Variants in LIMCH1 observed in about 807,000 individuals in gnomAD.
The protein encoded by LIMCH1 is LIM and calponin homology domains-containing protein 1.
In LIMCH1, 113 loss-of-function variants were observed where a neutral mutation model predicts 176.5. The ratio of observed to expected loss-of-function variants is 0.64; its 90% CI spans 0.55 to 0.75. The LOEUF is 0.75. Ranked by LOEUF, LIMCH1 falls within the 30% of genes least tolerant of loss-of-function variation. LIMCH1 has a pLI of 0.00. For missense variants in LIMCH1, 1,674 were observed against 1,814.9 expected (o/e 0.92, Z 1.41); for synonymous variants, 619 against 645.9 (o/e 0.96, Z 0.63).
At chr4:41,576,866 G>T (rs775083832) in intron 1 of LIMCH1, among the ~76,000 whole-genome samples, 11 of 152,136 alleles carry the variant, frequency 7.2e-5, no homozygotes, top group Admixed American at 6.5e-4. Context: ...ATATGGAGGA[G>T]GATGTGGAAT....
intron 1 of LIMCH1, among the ~76,000 whole-genome samples, chr4:41,557,552 G>A (rs6447092): frequency 4.7e-5 from 6 of 128,988 alleles, no homozygotes; most frequent in African/African-American, 1.5e-4. Context: ...GCCTCTGTGT[G>A]TGTGTGTGTG....
At chr4:41,694,707 C>G (rs1301063074) in intron 31 of LIMCH1, among the ~76,000 whole-genome samples, 1 of 152,056 alleles carries the variant, frequency 6.6e-6, no homozygotes, top group African/African-American at 2.4e-5. Context: ...AAATGAACAT[C>G]CTTGTGCATA....
intron 1 of LIMCH1, among the ~76,000 whole-genome samples, chr4:41,487,267 G>C (rs1407359402): frequency 6.6e-6 from 1 of 151,798 alleles, no homozygotes; most frequent in East Asian, 1.9e-4. Flanking sequence ...AGTCTGTACA[G>C]CTGTTGATCC....
At position 41,616,914 on chromosome 4, in the gene LIMCH1, T is replaced by C. The variant is rs1292399347; in HGVS notation, c.206-2274T>C. On this transcript the variant is annotated intron_variant, in intron 5 of 31. Transcript: ENST00000503057. ...CTCTAAATCCATAAACCTATACTTC[T>C]TTCAACTGAGCTACTCTGTCCTGGA... is the stretch of plus-strand genomic sequence containing the variant. 2.6e-5 allele frequency among the ~76,000 whole-genome samples: 4 copies of C among 152,186 alleles called. No individual in the cohort carries two copies. In the East Asian group the frequency reaches 7.7e-4, roughly 29 times the overall value.
upstream of LIMCH1, among the ~76,000 whole-genome samples, chr4:41,533,980 G>A (rs2077595318): frequency 6.6e-6 from 1 of 152,190 alleles, no homozygotes; most frequent in African/African-American, 2.4e-5. Context: ...ACTAGACCAG[G>A]AATAGTAAGC....
In LIMCH1 at chr4:41,626,838, C is replaced by T; in HGVS notation, c.856C>T (p.Leu286Phe). 1 of 1,536,182 alleles carries T rather than the reference C, an allele frequency of 6.5e-7. No homozygotes were observed. Among genetic ancestry groups the T allele is most frequent in the Non-Finnish European group, 8.7e-7 (1 of 1,146,926 alleles). ...EGEVVCRLPDLEKDDFAARRA... is the reference protein window; with the variant it reads ...EGEVVCRLPDFEKDDFAARRA... ...TGAAGTTGTGTGTCGACTGCCTGAT[C>T]TTGAGAAGGATGACTTTGCTGCAAG... The change falls in exon 8 of 32, where the codon CTT (leucine) becomes TTT (phenylalanine). Residue 286 changes from leucine (L) to phenylalanine (F), a missense_variant. Physicochemically the swap from Leu to Phe is conservative, Grantham distance 22. This residue lies in a region of LIMCH1 where 655 missense variants were observed against 692.2 expected (regional missense o/e 0.95). Coordinates refer to ENST00000503057, the MANE Select transcript of LIMCH1 (RefSeq NM_001330672.2).
intron 17 of LIMCH1, among the ~76,000 whole-genome samples, chr4:41,648,722 G>A (rs546989691): frequency 3.1e-4 from 45 of 147,032 alleles, no homozygotes; most frequent in African/African-American, 1.1e-3. Context: ...GCAGGGCAGG[G>A]AATACAGGCC....
intron 1 of LIMCH1, among the ~76,000 whole-genome samples, chr4:41,421,051 G>C (rs1337418650): frequency 6.6e-6 from 1 of 152,142 alleles, no homozygotes; most frequent in South Asian, 2.1e-4. Flanking sequence ...GGGTTGTTAG[G>C]GCCGGCCCCA....
At chr4:41,535,645 G>C (rs1171603778), upstream of LIMCH1, among the ~76,000 whole-genome samples, 1 of 152,156 alleles carries the variant, frequency 6.6e-6, no homozygotes, top group Non-Finnish European at 1.5e-5. Context: ...TTCAAGATAC[G>C]AATTGGGGGA....
At chr4:41,369,939 AGTGT>A (rs113302113) in intron 1 of LIMCH1, among the ~76,000 whole-genome samples, 5 of 138,210 alleles carry the variant, frequency 3.6e-5, no homozygotes, top group Admixed American at 3.6e-4. Context: ...CAGGAAGCAA[AGTGT>A]GTGTGTGTGT....
intron 1 of LIMCH1, among the ~76,000 whole-genome samples, chr4:41,489,230 G>T (rs1017823778): frequency 3.9e-5 from 6 of 152,052 alleles, no homozygotes; most frequent in Non-Finnish European, 7.4e-5. Context: ...GTAGCCAAAG[G>T]TTTCTAAATT....
chr4:41,440,672 A>G (rs2062604867), intron 1 of LIMCH1, among the ~76,000 whole-genome samples: 1 of 152,114 alleles, frequency 6.6e-6, no homozygotes, highest in South Asian at 2.1e-4. Context: ...AACCAGGACT[A>G]CAGGTGCACA....
At chr4:41,380,912 T>C (rs1023466623) in intron 1 of LIMCH1, among the ~76,000 whole-genome samples, 1 of 152,236 alleles carries the variant, frequency 6.6e-6, no homozygotes, top group Non-Finnish European at 1.5e-5. Context: ...TCTAGATACC[T>C]GAGCAGATTT....
chr4:41,648,267 C>T (rs2094143802), intron 17 of LIMCH1, among the ~76,000 whole-genome samples: 1 of 152,214 alleles, frequency 6.6e-6, no homozygotes, highest in Non-Finnish European at 1.5e-5. Context: ...TCCACTTTCC[C>T]TCCTTTATCT....
At chr4:41,466,589 C>A (rs2066147891) in intron 1 of LIMCH1, among the ~76,000 whole-genome samples, 1 of 152,224 alleles carries the variant, frequency 6.6e-6, no homozygotes, top group South Asian at 2.1e-4. Flanking sequence ...TTACAATAAA[C>A]CTCATGCTTC....
Position 41,648,660 on chromosome 4 carries a change from T to G in LIMCH1, c.2821-1733T>G, listed in dbSNP as rs1012530128. ...CAGGACAGAAGCTAAGGGGTAGGGG[T>G]GTGTGTGTGTGTGTGTGTGTGTGTG... On this transcript the variant is annotated intron_variant, in intron 17 of 31. Coordinates refer to ENST00000503057, the MANE Select transcript of LIMCH1 (RefSeq NM_001330672.2). 5.5e-4 allele frequency among the ~76,000 whole-genome samples: 58 copies of G among 106,380 alleles called. No homozygotes were observed. In the East Asian group the frequency reaches 6.2e-3, roughly 11 times the overall value. The allele number at this position is 106,380 out of a possible 152,430, so 69.8% of individuals were successfully genotyped here. A position where few individuals can be genotyped will look rare whatever the true frequency, so the allele number is the denominator to read the frequency against.
At chr4:41,365,126 G>A (rs1048302525) in intron 1 of LIMCH1, among the ~76,000 whole-genome samples, 2 of 152,200 alleles carry the variant, frequency 1.3e-5, no homozygotes, top group African/African-American at 4.8e-5. Flanking sequence ...GGGAGGGACT[G>A]GAAATTTCAA....
At chr4:41,493,423 G>T (rs552140718) in intron 1 of LIMCH1, among the ~76,000 whole-genome samples, 1 of 151,376 alleles carries the variant, frequency 6.6e-6, no homozygotes, top group African/African-American at 2.4e-5. Flanking sequence ...TACATTTGTG[G>T]GTTCAACTAA....
At chr4:41,459,091 T>C (rs1355153389) in intron 1 of LIMCH1, among the ~76,000 whole-genome samples, 1 of 152,098 alleles carries the variant, frequency 6.6e-6, no homozygotes, top group Non-Finnish European at 1.5e-5. Flanking sequence ...ACTGTACAAG[T>C]TATGATTTCT....
Sources: gnomAD v4.1 joint callset for allele counts (sites outside exome capture counted in the v4.1 genomes callset) on GRCh38, gnomAD v4.1.1 for gene constraint, gnomAD v4.1.1 regional missense constraint, MANE v1.5 for transcripts, NCBI Gene and HGNC (gene_info 2026-07-23, HGNC 2026-07-21) for gene names.